The following ACADM variants were observed in gnomAD, a reference collection of about 807,000 sequenced individuals.
ACADM encodes the protein acyl-CoA dehydrogenase medium chain.
In ACADM, 49 loss-of-function variants were observed where a neutral mutation model predicts 58.9. The ratio of observed to expected loss-of-function variants is 0.83; its 90% confidence interval spans 0.66 to 1.06. The LOEUF (loss-of-function observed/expected upper bound fraction) is 1.06, where lower values mean the gene tolerates loss of function less well. ACADM is among the 50% of genes least tolerant of loss of function. The pLI is 0.00. For synonymous variants in ACADM, 160 were observed against 157.7 expected (o/e 1.01, Z -0.11); for missense variants, 496 against 507.0 (o/e 0.98, Z 0.21).
In ACADM at chr1:75,728,483, G is replaced by A. The variant is rs1006082856; in HGVS notation, c.113G>A (p.Ser38Asn). The A allele has an allele frequency of 6.2e-7, 1 of 1,610,728 alleles. No individual in the cohort carries two copies. Among genetic ancestry groups the A allele is most frequent in the African/African-American group, 1.3e-5 (1 of 74,838 alleles). ...CAACGTGAACCAGGATTAGGATTTA[G>A]TTTTGGTATATGTTCGGTTCTATCT... ...NRQREPGLGFSFEFTEQQKEF... is the reference protein window; with the variant it reads ...NRQREPGLGFNFEFTEQQKEF... Residue 38 changes from serine (S) to asparagine (N), a missense_variant, in exon 2 of 12, where the codon AGT becomes AAT. Transcript: ENST00000370841.
chr1:75,733,239 A>G, intron 4 of ACADM: 1 of 1,529,788 alleles, frequency 6.5e-7, no homozygotes, highest in Non-Finnish European at 8.8e-7. Flanking sequence ...GTGAACCATG[A>G]TTCTTTTCCT....
At chr1:75,754,287 A>G (rs745861711) in intron 10 of ACADM, among the ~76,000 whole-genome samples, 1 of 148,942 alleles carries the variant, frequency 6.7e-6, no homozygotes, top group Non-Finnish European at 1.5e-5. Flanking sequence ...TGCTCCCTGC[A>G]ACCTCTGCCC....
At chr1:75,731,215 C>T (rs1647143090) in intron 2 of ACADM, among the ~76,000 whole-genome samples, 1 of 133,604 alleles carries the variant, frequency 7.5e-6, no homozygotes, top group Non-Finnish European at 1.5e-5. Flanking sequence ...GGAGGCGGAG[C>T]TTGCAGTGAG....
At chr1:75,749,712 C>CTTTTT (rs35897798) in intron 9 of ACADM, among the ~76,000 whole-genome samples, 153 bp downstream of exon 9, 15 of 118,128 alleles carry the variant, frequency 1.3e-4, no homozygotes, top group Non-Finnish European at 2.2e-4. Flanking sequence ...ACTTTTCTTT[C>CTTTTT]TTTTTTTTTT....
rs530901178 is a variant in ACADM, at chr1:75,757,282, T to C, written c.946-3840T>C. 2.6e-3 allele frequency among the ~76,000 whole-genome samples: 389 copies of C among 152,214 alleles called. 2 individuals are homozygous for C. Among genetic ancestry groups the C allele is most frequent in the African/African-American group, 8.8e-3 (367 of 41,528 alleles). On this transcript the variant is annotated intron_variant, in intron 10 of 11. Transcript: ENST00000370841. Reference sequence around the variant, plus strand: ...CAGAGTGAACAGGCAACCTACAGAATGGGAGAAAATTTTTATAATCTACCC... The same window carrying C: ...CAGAGTGAACAGGCAACCTACAGAACGGGAGAAAATTTTTATAATCTACCC...
Position 75,761,172 on chromosome 1 carries a change from A to G in ACADM, c.996A>G (p.Leu332=), listed in dbSNP as rs1324319386. Residue 332 remains leucine, a synonymous_variant, in exon 11 of 12, where the codon CTA becomes CTG. Transcript: ENST00000370841. ...MLAEMAMKVE[L]ARMSYQRAAW... ...CTGAAATGGCAATGAAAGTTGAACT[A>G]GCTAGAATGAGTTACCAGAGAGCAG... 5.6e-6 allele frequency: 9 copies of G among 1,614,054 alleles called. No homozygotes were observed. Among genetic ancestry groups the G allele is most frequent in the Non-Finnish European group, 7.6e-6 (9 of 1,179,878 alleles).
At chr1:75,752,456 A>G (rs930963138) in intron 10 of ACADM, among the ~76,000 whole-genome samples, 5 of 152,210 alleles carry the variant, frequency 3.3e-5, no homozygotes, top group Admixed American at 3.3e-4. Context: ...CACTGTGGAC[A>G]AACTTGGATT....
At chr1:75,752,085 C>G (rs966106616) in intron 10 of ACADM, among the ~76,000 whole-genome samples, 1 of 150,438 alleles carries the variant, frequency 6.6e-6, no homozygotes, top group Admixed American at 6.7e-5. Flanking sequence ...TGGGATCAAG[C>G]AATCCTCCCA....
In ACADM at chr1:75,762,694, T is replaced by G; in HGVS notation, c.1197T>G (p.Ile399Met). ...KLMRDAKIYQIYEGTSQIQRL... is the reference protein window; with the variant it reads ...KLMRDAKIYQMYEGTSQIQRL... ...CTACACTTATATTTTTCTTGCAGATTTATGAAGGTACTTCACAAATTCAAA... is the reference window on the plus strand; with the variant it reads ...CTACACTTATATTTTTCTTGCAGATGTATGAAGGTACTTCACAAATTCAAA... The change falls in exon 12 of 12, where the codon ATT (isoleucine) becomes ATG (methionine). Residue 399 changes from isoleucine (I) to methionine (M), a missense_variant and splice_region_variant. Ile to Met is a conservative substitution (Grantham distance 10). Transcript: ENST00000370841. 6.3e-7 allele frequency: 1 copy of G among 1,598,836 alleles called. No individual in the cohort carries two copies. The highest frequency in any genetic ancestry group is 8.6e-7 in the Non-Finnish European group (1 of 1,166,568).
intron 10 of ACADM, among the ~76,000 whole-genome samples, chr1:75,760,264 C>CA (rs764807575): frequency 0.15 from 7,559 of 51,196 alleles, 707 homozygotes; most frequent in African/African-American, 0.26. Flanking sequence ...ACTAAAAATA[C>CA]AAAAAAAAAA....
chr1:75,733,309 G>C (rs1423352623), intron 4 of ACADM: 20 of 1,141,370 alleles, frequency 1.8e-5, no homozygotes, highest in Non-Finnish European at 2.4e-5. Context: ...CAGGAATACA[G>C]GTTCAAATTA....
intron 10 of ACADM, among the ~76,000 whole-genome samples, chr1:75,753,143 C>T (rs1648297963): frequency 6.6e-6 from 1 of 152,140 alleles, no homozygotes; most frequent in Non-Finnish European, 1.5e-5. Flanking sequence ...AAGAGATCAG[C>T]TTCTTTGTGG....
intron 6 of ACADM, among the ~76,000 whole-genome samples, chr1:75,739,347 C>T (rs375500357): frequency 1.3e-5 from 2 of 152,162 alleles, no homozygotes; most frequent in East Asian, 3.9e-4. Flanking sequence ...TTCCCCATAT[C>T]CTAATTTACA....
At position 75,743,709 on chromosome 1, in the gene ACADM, C is replaced by A. The variant is rs1647716990; in HGVS notation, c.600-2097C>A. ...CCATATCTTCAATGGCAAATTCATTCTTTCGGGCCTTCTCTCCCAGTTCAG... is the reference window on the plus strand; with the variant it reads ...CCATATCTTCAATGGCAAATTCATTATTTCGGGCCTTCTCTCCCAGTTCAG... On this transcript the variant is annotated intron_variant, in intron 7 of 11. Transcript: ENST00000370841. 5 of 1,494,790 alleles carry A rather than the reference C, an allele frequency of 3.3e-6. No homozygotes were observed. The Admixed American group carries it at 8.4e-5, about 25-fold the overall frequency. 92.6% of individuals were successfully genotyped at this position (1,494,790 alleles called of 1,614,324 possible). A position where few individuals can be genotyped will look rare whatever the true frequency, so the allele number is the denominator to read the frequency against.
At chr1:75,735,338 A>AAC (rs1647227362) in intron 6 of ACADM, among the ~76,000 whole-genome samples, 1 of 146,572 alleles carries the variant, frequency 6.8e-6, no homozygotes, top group South Asian at 2.1e-4. Context: ...AAAAAAAAAA[A>AAC]AGGTGTCATC....
intron 1 of ACADM, among the ~76,000 whole-genome samples, chr1:75,727,721 A>G (rs777407440): frequency 2.6e-5 from 4 of 152,108 alleles, no homozygotes; most frequent in African/African-American, 4.8e-5. Context: ...CGGATAGTAC[A>G]TGTTTTTGGC....
chr1:75,754,540 G>A (rs1401939973), intron 10 of ACADM, among the ~76,000 whole-genome samples: 2 of 152,172 alleles, frequency 1.3e-5, no homozygotes, highest in East Asian at 3.9e-4. Context: ...TCTATGTATA[G>A]CATTATGAAT....
At chr1:75,727,032 T>A (rs1647067942) in intron 1 of ACADM, among the ~76,000 whole-genome samples, 1 of 152,078 alleles carries the variant, frequency 6.6e-6, no homozygotes, top group Non-Finnish European at 1.5e-5. Flanking sequence ...CTCAAACCCC[T>A]GACCTCGTGA....
At chr1:75,737,804 T>TA (rs993837058) in intron 6 of ACADM, among the ~76,000 whole-genome samples, 3 of 152,152 alleles carry the variant, frequency 2.0e-5, no homozygotes, top group African/African-American at 7.2e-5. Flanking sequence ...ATTTTTTTTT[T>TA]TATAATTTTA....
Sources: allele counts gnomAD v4.1 joint callset (sites outside exome capture counted in the v4.1 genomes callset), GRCh38; gene constraint gnomAD v4.1.1; transcripts MANE v1.5; gene names NCBI Gene and HGNC (gene_info 2026-07-23, HGNC 2026-07-21).